GOLGA8A: variants seen among roughly 807,000 people sequenced by gnomAD.
GOLGA8A encodes the protein golgin A8 family member A.
In GOLGA8A, 3 loss-of-function variants were observed where a neutral mutation model predicts 22.1. That is an observed-to-expected ratio of 0.14 (90% CI 0.06 to 0.35). GOLGA8A has a LOEUF of 0.35. Ranked by LOEUF, GOLGA8A falls within the 10% of genes least tolerant of loss-of-function variation. The pLI is 1.00. For missense variants in GOLGA8A, 16 were observed against 233.2 expected, an observed-to-expected ratio of 0.07 and a Z score of 6.07; for synonymous variants, 7 against 91.7, an observed-to-expected ratio of 0.08 and a Z score of 5.28.
intron 2 of GOLGA8A, among the ~76,000 whole-genome samples, chr15:34,431,749 T>C: frequency 6.7e-6 from 1 of 148,900 alleles, no homozygotes; most frequent in East Asian, 2.0e-4. Context: ...ATAGACATTG[T>C]ATACCTAGGC....
rs1185230873 is a variant in GOLGA8A, at chr15:34,422,963, T to C, written c.-1123+12420A>G. Among the ~76,000 whole-genome samples the C allele has an allele frequency of 3.2e-5, 4 of 126,872 alleles. 1 individual carries two copies. Among genetic ancestry groups the C allele is most frequent in the Non-Finnish European group, 5.2e-5 (3 of 57,188 alleles). The allele number at this position is 126,872 out of a possible 152,430, so 83.2% of individuals were successfully genotyped here. A position where few individuals can be genotyped will look rare whatever the true frequency, so the allele number is the denominator to read the frequency against. ...GCTCTGAAGACAGCACAGACAACTG[T>C]TCCACCTCTTCCACTTCCACTGAGC... On this transcript the variant is annotated intron_variant, in intron 2 of 24. Coordinates refer to ENST00000359187, the MANE Select transcript of GOLGA8A (RefSeq NM_181077.5).
chr15:34,437,085 G>C (rs879391832), intron 1 of GOLGA8A, among the ~76,000 whole-genome samples: 1 of 148,096 alleles, frequency 6.8e-6, no homozygotes, highest in African/African-American at 2.5e-5. Flanking sequence ...GCCACTTGCC[G>C]GCGCCGAGAG....
chr15:34,436,625 G>A lies in GOLGA8A; in HGVS notation c.-1212+773C>T, dbSNP rs1893527311. On this transcript the variant is annotated intron_variant, in intron 1 of 24. Transcript: ENST00000359187. Reference sequence around the variant, plus strand: ...CGCACCCTCCCTCCGCGTCGGCCCGGAGAAAAGGAAGTTCGCCCCTAGCCT... The same window carrying A: ...CGCACCCTCCCTCCGCGTCGGCCCGAAGAAAAGGAAGTTCGCCCCTAGCCT... Among the ~76,000 whole-genome samples the A allele has an allele frequency of 1.3e-5, 2 of 150,192 alleles. 1 individual carries two copies. The highest frequency in any genetic ancestry group is 4.9e-5 in the African/African-American group (2 of 40,882).
At position 34,380,234 on chromosome 15, in the gene GOLGA8A, A is replaced by C. The variant is rs1891414436; in HGVS notation, c.*1177T>G. ...CCGAGGTGGTTGAAGAATAGGTATT[A>C]GCCAGAGAGGTCTAGATAGTAAAAT... On this transcript the variant is annotated 3_prime_UTR_variant, in exon 25 of 25. Transcript: ENST00000359187. The C allele has an allele frequency of 2.6e-5, 4 of 152,202 alleles. No homozygotes were observed. In the South Asian group the frequency reaches 8.3e-4, roughly 32 times the overall value. 9.4% of individuals were successfully genotyped at this position (152,202 alleles called of 1,614,324 possible).
chr15:34,426,852 T>C (rs909936568), intron 2 of GOLGA8A, among the ~76,000 whole-genome samples: 1 of 143,440 alleles, frequency 7.0e-6, no homozygotes, highest in Non-Finnish European at 1.5e-5. Context: ...AAGTCCAGCC[T>C]AGAGACAACA....
chr15:34,435,933 G>A (rs1269129797), intron 1 of GOLGA8A, among the ~76,000 whole-genome samples: 1 of 148,968 alleles, frequency 6.7e-6, no homozygotes, highest in Admixed American at 6.8e-5. Flanking sequence ...ACGTGTCCTT[G>A]TCACCCCAGC....
At chr15:34,424,952 T>G (rs898286595) in intron 2 of GOLGA8A, among the ~76,000 whole-genome samples, 1 of 142,472 alleles carries the variant, frequency 7.0e-6, no homozygotes, top group African/African-American at 2.7e-5. Flanking sequence ...ACACAAAAAT[T>G]AGCCAGGCGT....
chr15:34,417,661 T>C lies in GOLGA8A; in HGVS notation c.-1122-9926A>G, dbSNP rs956869816. ...TACGGTAGTGTTTTATTTTTGCATT[T>C]TTACTTTTATATTAAATAAGATTAT... On this transcript the variant is annotated intron_variant, in intron 2 of 24. Transcript: ENST00000359187. The C allele has an allele frequency of 8.9e-5, 13 of 146,216 alleles. 1 individual carries two copies. The highest frequency in any genetic ancestry group is 1.8e-4 in the Non-Finnish European group (12 of 66,656). The allele number at this position is 146,216 out of a possible 1,614,324, so 9.1% of individuals were successfully genotyped here.
rs1370467645 is a variant in GOLGA8A, at chr15:34,433,905, G to T, written c.-1123+1478C>A. ...AGGGGAAGTAACGCTAATTTATGTAGGGCTGTCAGGGAGCCGGCAATAAGT... is the reference window on the plus strand; with the variant it reads ...AGGGGAAGTAACGCTAATTTATGTATGGCTGTCAGGGAGCCGGCAATAAGT... On this transcript the variant is annotated intron_variant, in intron 2 of 24. Coordinates refer to ENST00000359187, the MANE Select transcript of GOLGA8A (RefSeq NM_181077.5). Among the ~76,000 whole-genome samples, 7 of 149,544 alleles carry T rather than the reference G, an allele frequency of 4.7e-5. 2 individuals are homozygous for T. The highest frequency in any genetic ancestry group is 7.4e-5 in the Non-Finnish European group (5 of 67,252).
rs60344538 is a variant in GOLGA8A at position 34,418,130 on chromosome 15, TAAAAA to T, written c.-1122-10400_-1122-10396del. Reference sequence around the variant, plus strand: ...TTAGTTGTAGTAACTGTAGATTCTTTAAAAAAAAAAAAAAAAAGGATTGCTTCATC... The same window carrying T: ...TTAGTTGTAGTAACTGTAGATTCTTTAAAAAAAAAAAAGGATTGCTTCATC... On this transcript the variant is annotated intron_variant, in intron 2 of 24. Coordinates refer to ENST00000359187, the MANE Select transcript of GOLGA8A (RefSeq NM_181077.5). 6.4e-5 allele frequency: 4 copies of T among 62,776 alleles called. 1 individual carries two copies. In the Admixed American group the frequency reaches 6.7e-4, roughly 10 times the overall value. 3.9% of individuals were successfully genotyped at this position (62,776 alleles called of 1,614,324 possible).
chr15:34,386,174 C>T (rs62018273), intron 12 of GOLGA8A, among the ~76,000 whole-genome samples: 3,863 of 132,230 alleles, frequency 0.029, 4 homozygotes, highest in Middle Eastern at 0.043. Context: ...AGCCCTTGGC[C>T]CTGAGCTTTC....
rs1235877617 is a variant in GOLGA8A at position 34,437,782 on chromosome 15, T to C, written c.-1596A>G. Among the ~76,000 whole-genome samples, 1 of 148,430 alleles carries C rather than the reference T, an allele frequency of 6.7e-6. No individual in the cohort carries two copies. Among genetic ancestry groups the C allele is most frequent in the Admixed American group, 6.8e-5 (1 of 14,796 alleles). On this transcript the variant is annotated 5_prime_UTR_variant, in exon 1 of 25. Transcript: ENST00000359187. Reference sequence around the variant, plus strand: ...CTCGCGCCTAGCCGCACACCTCGACTGCTGATTAGCCCGACAGCTGAATAG... The same window carrying C: ...CTCGCGCCTAGCCGCACACCTCGACCGCTGATTAGCCCGACAGCTGAATAG...
chr15:34,431,291 T>TTATATATATATATATATATACATATATA (rs1330648635), intron 2 of GOLGA8A, among the ~76,000 whole-genome samples: 8 of 112,128 alleles, frequency 7.1e-5, no homozygotes, highest in African/African-American at 2.8e-4. Flanking sequence ...TGAAAAAAAA[T>TTATATATATATATATATATACATATATA]TATATATATA....
At position 34,425,119 on chromosome 15, in the gene GOLGA8A, C is replaced by T. The variant is rs529114409; in HGVS notation, c.-1123+10264G>A. 9.0e-5 allele frequency among the ~76,000 whole-genome samples: 13 copies of T among 144,692 alleles called. 2 individuals carry two copies. The highest frequency in any genetic ancestry group is 1.4e-4 in the Non-Finnish European group (9 of 65,596). 94.9% of individuals were successfully genotyped at this position (144,692 alleles called of 152,430 possible). On this transcript the variant is annotated intron_variant, in intron 2 of 24. Transcript: ENST00000359187. ...ATAAAATAAATAAAATAAGGCTTAT[C>T]TATTCAAAGGAATATAGGAGAAAGG...
intron 2 of GOLGA8A, among the ~76,000 whole-genome samples, chr15:34,428,109 T>TGA (rs1360889187): frequency 6.8e-6 from 1 of 146,188 alleles, no homozygotes; most frequent in Non-Finnish European, 1.5e-5. Context: ...TTTTTTTTTT[T>TGA]GAGAGAGAGA....
chr15:34,412,026 T>TG (rs1373838071), intron 2 of GOLGA8A, among the ~76,000 whole-genome samples: 2 of 37,146 alleles, frequency 5.4e-5, no homozygotes, highest in African/African-American at 3.3e-4. Context: ...GGTCCTGGGT[T>TG]TTTTTTTTTT....
intron 2 of GOLGA8A, chr15:34,417,683 T>C (rs1372486648): frequency 6.8e-6 from 1 of 147,012 alleles, no homozygotes; most frequent in Non-Finnish European, 1.5e-5. Context: ...TTAAATAAGA[T>C]TATAGTTTTG....
chr15:34,428,714 G>T (rs1414002662), intron 2 of GOLGA8A: 1 of 147,552 alleles, frequency 6.8e-6, no homozygotes, highest in African/African-American at 2.5e-5. Context: ...CCTGAAAGGG[G>T]AAGAGGGCCC....
intron 1 of GOLGA8A, among the ~76,000 whole-genome samples, chr15:34,435,784 C>A (rs1893477518): frequency 6.7e-6 from 1 of 149,088 alleles, no homozygotes; most frequent in Non-Finnish European, 1.5e-5. Flanking sequence ...TCACCCAGTC[C>A]CAGCCCAGAG....
Sources: gnomAD v4.1 joint callset for allele counts (sites outside exome capture counted in the v4.1 genomes callset) on GRCh38, gnomAD v4.1.1 for gene constraint, MANE v1.5 for transcripts, NCBI Gene and HGNC (gene_info 2026-07-23, HGNC 2026-07-21) for gene names.